PTPRD: variants seen among roughly 807,000 people sequenced by gnomAD.
PTPRD encodes protein tyrosine phosphatase receptor type D.
In PTPRD, 34 loss-of-function variants were observed where a neutral mutation model predicts 214.5. The ratio of observed to expected loss-of-function variants is 0.16; its 90% CI spans 0.12 to 0.21. The LOEUF is 0.21. Among genes scored for constraint, PTPRD ranks in the 10% least tolerant of loss-of-function variants. The probability of loss-of-function intolerance (pLI) is 1.00; values close to 1 mark genes in which losing one functional copy is unlikely to be tolerated. For missense variants in PTPRD, 2,545 were observed against 2,398.7 expected (o/e 1.06, Z -1.27); for synonymous variants, 1,128 against 845.7 (o/e 1.33, Z -5.79).
At chr9:10,591,155 G>A (rs2075343907) in intron 2 of PTPRD, among the ~76,000 whole-genome samples, 1 of 151,920 alleles carries the variant, frequency 6.6e-6, no homozygotes, top group South Asian at 2.1e-4. Context: ...TGTGGACCCT[G>A]CTGAATGACC....
At chr9:8,996,907 G>A (rs1395106046) in intron 11 of PTPRD, among the ~76,000 whole-genome samples, 2 of 151,992 alleles carry the variant, frequency 1.3e-5, no homozygotes, top group Admixed American at 1.3e-4. Flanking sequence ...TCTTGATTGT[G>A]ATATTGGTTT....
intron 8 of PTPRD, among the ~76,000 whole-genome samples, chr9:9,442,787 T>C (rs895480548): frequency 3.9e-5 from 6 of 152,160 alleles, no homozygotes; most frequent in Non-Finnish European, 7.4e-5. Flanking sequence ...CTTTTGGCGG[T>C]GGTTTTAATG....
intron 5 of PTPRD, among the ~76,000 whole-genome samples, chr9:9,917,462 A>G (rs919473661): frequency 5.3e-5 from 8 of 149,940 alleles, no homozygotes; most frequent in African/African-American, 1.9e-4. Flanking sequence ...TAAAAAAAAA[A>G]AAAAAAAAAA....
At chr9:10,351,587 G>C (rs954921282) in intron 2 of PTPRD, among the ~76,000 whole-genome samples, 4 of 151,668 alleles carry the variant, frequency 2.6e-5, no homozygotes, top group Admixed American at 6.6e-5. Flanking sequence ...GGGAAACAGA[G>C]GATCAAAAGC....
At chr9:9,819,854 C>T (rs2050105646) in intron 5 of PTPRD, among the ~76,000 whole-genome samples, 1 of 152,134 alleles carries the variant, frequency 6.6e-6, no homozygotes, top group Non-Finnish European at 1.5e-5. Context: ...ATGCAGTATT[C>T]ATGGTATATA....
At chr9:8,770,363 ACTAT>A (rs1387375716) in intron 11 of PTPRD, among the ~76,000 whole-genome samples, 1 of 152,132 alleles carries the variant, frequency 6.6e-6, no homozygotes, top group African/African-American at 2.4e-5. Flanking sequence ...AACACGATCC[ACTAT>A]CTATTCTAAT....
intron 2 of PTPRD, among the ~76,000 whole-genome samples, chr9:10,380,895 C>T (rs1257998041): frequency 6.6e-6 from 1 of 151,782 alleles, no homozygotes; most frequent in East Asian, 1.9e-4. Flanking sequence ...ATCATCTTTA[C>T]CAGTTTGAAA....
chr9:8,859,042 A>G (rs893918215), intron 11 of PTPRD, among the ~76,000 whole-genome samples: 38 of 152,334 alleles, frequency 2.5e-4, no homozygotes, highest in Admixed American at 2.5e-3. Flanking sequence ...TGATAATACT[A>G]TAGGGAGCGT....
At chr9:8,512,789 T>C (rs1331075205) in intron 21 of PTPRD, among the ~76,000 whole-genome samples, 1 of 152,000 alleles carries the variant, frequency 6.6e-6, no homozygotes, top group Non-Finnish European at 1.5e-5. Context: ...TAAATACAGT[T>C]CAGAAAAAAG....
intron 4 of PTPRD, among the ~76,000 whole-genome samples, chr9:9,978,312 G>A (rs1333697214): frequency 6.6e-6 from 1 of 151,986 alleles, no homozygotes; most frequent in East Asian, 1.9e-4. Flanking sequence ...AAAAGGTGGA[G>A]AACATAGATT....
chr9:10,341,834 CT>C (rs2096944960), intron 2 of PTPRD, among the ~76,000 whole-genome samples: 1 of 151,150 alleles, frequency 6.6e-6, no homozygotes, highest in Admixed American at 6.6e-5. Context: ...AATATTAATT[CT>C]TTTTTCCCCT....
intron 7 of PTPRD, among the ~76,000 whole-genome samples, chr9:9,719,788 C>T (rs142361181): frequency 2.6e-5 from 4 of 152,170 alleles, no homozygotes; most frequent in Admixed American, 6.5e-5. Flanking sequence ...GGCATCTCTA[C>T]GCTTTCAGGC....
chr9:10,388,388 G>C (rs1207664598), intron 2 of PTPRD, among the ~76,000 whole-genome samples: 2 of 150,898 alleles, frequency 1.3e-5, no homozygotes, highest in Admixed American at 6.6e-5. Flanking sequence ...CTTGGCAGGA[G>C]AAGTGACTAA....
chr9:9,140,061 A>G (rs2099857466), intron 10 of PTPRD, among the ~76,000 whole-genome samples: 1 of 152,100 alleles, frequency 6.6e-6, no homozygotes, highest in Non-Finnish European at 1.5e-5. Context: ...TATTATAGTC[A>G]GGAAACCAAA....
intron 2 of PTPRD, among the ~76,000 whole-genome samples, chr9:10,538,263 TAAATAAATAAATA>T (rs957503966): frequency 4.2e-5 from 6 of 142,602 alleles, no homozygotes; most frequent in Non-Finnish European, 9.0e-5. Context: ...AATAAATAAA[TAAATAAATAAATA>T]AATAAATAAA....
intron 35 of PTPRD, among the ~76,000 whole-genome samples, chr9:8,421,032 G>C (rs942434941): frequency 5.3e-5 from 8 of 152,098 alleles, no homozygotes; most frequent in African/African-American, 1.7e-4. Flanking sequence ...CCTAGAAAGA[G>C]GACCATGCCC....
In PTPRD at chr9:8,341,998, G is replaced by C; in HGVS notation, c.4662-20C>G. 2 of 1,569,488 alleles carry C rather than the reference G, an allele frequency of 1.3e-6. No homozygotes were observed. The highest frequency in any genetic ancestry group is 1.7e-6 in the Non-Finnish European group (2 of 1,162,622). ...CCCGCACTATGAGGAAAATAGAGAAGAAAAGCCCAAATAAACCTATCAGAA... is the reference window on the plus strand; with the variant it reads ...CCCGCACTATGAGGAAAATAGAGAACAAAAGCCCAAATAAACCTATCAGAA... On this transcript the variant is annotated intron_variant, in intron 39 of 45. Transcript: ENST00000381196.
chr9:10,014,942 G>C (rs564219337), intron 4 of PTPRD, among the ~76,000 whole-genome samples: 6 of 151,994 alleles, frequency 3.9e-5, no homozygotes, highest in African/African-American at 7.2e-5. Context: ...GAATTGTTTG[G>C]GATTGAGTAA....
intron 8 of PTPRD, among the ~76,000 whole-genome samples, chr9:9,429,765 A>G (rs117758771): frequency 0.071 from 10,745 of 152,220 alleles, 540 homozygotes; most frequent in Non-Finnish European, 0.11. Context: ...ATCAATAAAC[A>G]TAATCCATCA....
Sources: gnomAD v4.1 joint callset for allele counts (sites outside exome capture counted in the v4.1 genomes callset) on GRCh38, gnomAD v4.1.1 for gene constraint, MANE v1.5 for transcripts, NCBI Gene and HGNC (gene_info 2026-07-23, HGNC 2026-07-21) for gene names.